The following SIPA1L2 variants were observed in gnomAD, a reference collection of about 807,000 sequenced individuals.
SIPA1L2 encodes the protein signal induced proliferation associated 1 like 2.
SIPA1L2 carries 56 observed loss-of-function variants against 163.9 expected under a neutral mutation model. The observed-to-expected ratio is 0.34, with a 90% confidence interval of 0.28 to 0.43. The LOEUF (loss-of-function observed/expected upper bound fraction) is 0.43, where lower values mean the gene tolerates loss of function less well. Among genes scored for constraint, SIPA1L2 ranks in the 20% least tolerant of loss-of-function variants. SIPA1L2 has a pLI of 1.00. For missense variants in SIPA1L2, 1,974 were observed against 2,193.5 expected (o/e 0.90, Z 2.00); for synonymous variants, 877 against 865.7 (o/e 1.01, Z -0.23).
chr1:232,423,308 G>T (rs975887657), intron 18 of SIPA1L2, among the ~76,000 whole-genome samples: 39 of 152,158 alleles, frequency 2.6e-4, no homozygotes, highest in African/African-American at 8.7e-4. Flanking sequence ...TGGCCCCATC[G>T]TAAGTCAAGG....
At position 232,514,047 on chromosome 1, in the gene SIPA1L2, T is replaced by C. The variant is rs767583229; in HGVS notation, c.1293A>G (p.Ser431=). ...DRRIALSRAN[S]SSFSSGESCS... ...AGCTTTCCCCAGAACTGAAAGAGGATGAGTTGGCTCGAGAGAGCGCAATCC... is the reference window on the plus strand; with the variant it reads ...AGCTTTCCCCAGAACTGAAAGAGGACGAGTTGGCTCGAGAGAGCGCAATCC... Residue 431 remains serine (S), a synonymous_variant, in exon 3 of 23, where the codon TCA becomes TCG. Coordinates refer to ENST00000674635, the MANE Select transcript of SIPA1L2 (RefSeq NM_020808.5). 6.2e-7 allele frequency: 1 copy of C among 1,614,224 alleles called. No homozygotes were observed. The highest frequency in any genetic ancestry group is 1.3e-5 in the African/African-American group (1 of 75,072).
At chr1:232,540,007 A>G (rs991064884) in intron 2 of SIPA1L2, among the ~76,000 whole-genome samples, 1 of 152,194 alleles carries the variant, frequency 6.6e-6, no homozygotes, top group Non-Finnish European at 1.5e-5. Context: ...CCAGCAAGTT[A>G]AAACTTCAAA....
chr1:232,535,868 C>G (rs1006346117), intron 2 of SIPA1L2, among the ~76,000 whole-genome samples: 1 of 152,144 alleles, frequency 6.6e-6, no homozygotes, highest in African/African-American at 2.4e-5. Flanking sequence ...CATATTAAAA[C>G]AGAAATATAA....
At chr1:232,472,139 G>A (rs947021454) in intron 7 of SIPA1L2, among the ~76,000 whole-genome samples, 3 of 152,172 alleles carry the variant, frequency 2.0e-5, no homozygotes, top group Non-Finnish European at 4.4e-5. Flanking sequence ...ATCTGGCAGG[G>A]GGAATGATGC....
chr1:232,527,905 A>C (rs1027272245), intron 2 of SIPA1L2, among the ~76,000 whole-genome samples: 34 of 150,252 alleles, frequency 2.3e-4, no homozygotes, highest in African/African-American at 8.1e-4. Flanking sequence ...ATAATTTTTT[A>C]ATTAAAAATC....
chr1:232,564,119 T>C (rs1340852808), intron 2 of SIPA1L2, among the ~76,000 whole-genome samples: 4 of 109,374 alleles, frequency 3.7e-5, no homozygotes, highest in Non-Finnish European at 6.6e-5. Context: ...TTGGCCAGAC[T>C]GAACGACGAA....
chr1:232,413,025 T>C (rs939722178), intron 19 of SIPA1L2, among the ~76,000 whole-genome samples: 1 of 152,206 alleles, frequency 6.6e-6, no homozygotes, highest in Non-Finnish European at 1.5e-5. Context: ...AGAATTTCCA[T>C]GTCATACTTT....
chr1:232,612,599 T>A (rs1462258751), intron 1 of SIPA1L2, among the ~76,000 whole-genome samples: 1 of 152,232 alleles, frequency 6.6e-6, no homozygotes, highest in East Asian at 1.9e-4. Context: ...ATGGGCCCTG[T>A]AACCCCTTTG....
intron 1 of SIPA1L2, among the ~76,000 whole-genome samples, chr1:232,609,737 G>A (rs372178092): frequency 6.6e-6 from 1 of 150,866 alleles, no homozygotes; most frequent in African/African-American, 2.4e-5. Context: ...GGCTGAGGCA[G>A]GAGAATCACT....
In SIPA1L2 at chr1:232,505,158, AAAGGAAG is replaced by A. The variant is rs1666669462; in HGVS notation, c.1483+8692_1483+8698del. On this transcript the variant is annotated intron_variant, in intron 3 of 22. Transcript: ENST00000674635. ...AACCTGTATGGTTAGTATTTGCTCAAAAGGAAGAAGAAAACACTAGGAAAGTATGAAA... is the reference window on the plus strand; with the variant it reads ...AACCTGTATGGTTAGTATTTGCTCAAAAGAAAACACTAGGAAAGTATGAAA... 2.0e-5 allele frequency among the ~76,000 whole-genome samples: 3 copies of A among 152,248 alleles called. No homozygotes were observed. The South Asian group carries it at 6.2e-4, about 32-fold the overall frequency.
intron 18 of SIPA1L2, among the ~76,000 whole-genome samples, chr1:232,422,222 G>C (rs534376791): frequency 1.3e-5 from 2 of 152,158 alleles, no homozygotes; most frequent in Non-Finnish European, 1.5e-5. Flanking sequence ...TCAACTGCTG[G>C]ATCAGGTGAT....
chr1:232,533,993 C>G (rs1305517100), intron 2 of SIPA1L2, among the ~76,000 whole-genome samples: 1 of 151,982 alleles, frequency 6.6e-6, no homozygotes, highest in Non-Finnish European at 1.5e-5. Context: ...AATGTAATCC[C>G]TATCAAAATC....
chr1:232,595,555 C>A (rs1008476764), intron 1 of SIPA1L2, among the ~76,000 whole-genome samples: 6 of 151,036 alleles, frequency 4.0e-5, no homozygotes, highest in African/African-American at 1.5e-4. Context: ...GACGTTCCCC[C>A]CAGCACACTA....
chr1:232,614,823 G>A (rs1662420235), intron 1 of SIPA1L2, among the ~76,000 whole-genome samples: 1 of 152,162 alleles, frequency 6.6e-6, no homozygotes, highest in African/African-American at 2.4e-5. Context: ...AGAGTTTTCT[G>A]CCTCTTTTTC....
At chr1:232,414,631 G>A (rs1315483054) in intron 19 of SIPA1L2, among the ~76,000 whole-genome samples, 1 of 152,164 alleles carries the variant, frequency 6.6e-6, no homozygotes, top group African/African-American at 2.4e-5. Flanking sequence ...GTCTCACAGA[G>A]CGCAGGGCAT....
chr1:232,436,251 A>T (rs768488593), intron 15 of SIPA1L2, among the ~76,000 whole-genome samples: 1 of 152,238 alleles, frequency 6.6e-6, no homozygotes, highest in Non-Finnish European at 1.5e-5. Flanking sequence ...TTGTGGATAC[A>T]AGCGAACAAG....
intron 10 of SIPA1L2, among the ~76,000 whole-genome samples, chr1:232,456,643 T>C (rs965881351): frequency 3.3e-5 from 5 of 152,256 alleles, no homozygotes; most frequent in Non-Finnish European, 1.5e-5. Flanking sequence ...TAGGTTGATA[T>C]GCTTTCCTTC....
chr1:232,544,470 G>T (rs1657899019), intron 2 of SIPA1L2, among the ~76,000 whole-genome samples: 1 of 151,878 alleles, frequency 6.6e-6, no homozygotes, highest in Admixed American at 6.6e-5. Context: ...TGAGGCAGGA[G>T]AATGGCGTGA....
rs189660981 is a variant in SIPA1L2, at chr1:232,495,789, T to G, written c.1484-2129A>C. 1.1e-3 allele frequency among the ~76,000 whole-genome samples: 170 copies of G among 152,202 alleles called. 1 individual carries two copies. Among genetic ancestry groups the G allele is most frequent in the African/African-American group, 3.6e-3 (151 of 41,524 alleles). On this transcript the variant is annotated intron_variant, in intron 3 of 22. Coordinates refer to ENST00000674635, the MANE Select transcript of SIPA1L2 (RefSeq NM_020808.5). ...TAGTGATGTTACAGATGTCATTACA[T>G]GGGAATCCAACATATTACTCAAAGC...
Sources: allele counts gnomAD v4.1 joint callset (sites outside exome capture counted in the v4.1 genomes callset), GRCh38; gene constraint gnomAD v4.1.1; transcripts MANE v1.5; gene names NCBI Gene and HGNC (gene_info 2026-07-23, HGNC 2026-07-21).